The following IGF2BP2 variants were observed in gnomAD, a reference collection of about 807,000 sequenced individuals.
IGF2BP2 encodes the protein insulin like growth factor 2 mRNA binding protein 2.
In IGF2BP2, 17 loss-of-function variants were observed where a neutral mutation model predicts 75.8. That is an observed-to-expected ratio of 0.22 (90% confidence interval 0.15 to 0.34). IGF2BP2 has a LOEUF of 0.34. Ranked by LOEUF, IGF2BP2 falls within the 10% of genes least tolerant of loss-of-function variation. The pLI is 1.00. For synonymous variants in IGF2BP2, 288 were observed against 295.6 expected, an observed-to-expected ratio of 0.97 and a Z score of 0.26; for missense variants, 516 against 772.4, an observed-to-expected ratio of 0.67 and a Z score of 3.93.
chr3:185,748,868 T>A (rs1275784249), intron 2 of IGF2BP2, among the ~76,000 whole-genome samples: 2 of 152,222 alleles, frequency 1.3e-5, no homozygotes, highest in African/African-American at 4.8e-5. Flanking sequence ...AATTTAGTAA[T>A]CTAAGAACTT....
chr3:185,698,046 G>A (rs747217025), intron 3 of IGF2BP2, among the ~76,000 whole-genome samples: 33 of 152,124 alleles, frequency 2.2e-4, no homozygotes, highest in Non-Finnish European at 3.8e-4. Context: ...TTGTTTCTTG[G>A]CTTATTTGCT....
chr3:185,703,196 G>A (rs1225128705), intron 2 of IGF2BP2, among the ~76,000 whole-genome samples: 1 of 152,170 alleles, frequency 6.6e-6, no homozygotes, highest in Non-Finnish European at 1.5e-5. Context: ...TGTAATCCCA[G>A]CTCATCTAAC....
chr3:185,703,037 C>T (rs1336799406), intron 2 of IGF2BP2, among the ~76,000 whole-genome samples: 5 of 152,184 alleles, frequency 3.3e-5, no homozygotes, highest in Non-Finnish European at 7.3e-5. Flanking sequence ...TGGGAAAGGG[C>T]CACCTACCAG....
intron 2 of IGF2BP2, among the ~76,000 whole-genome samples, chr3:185,755,438 C>T (rs1039396193): frequency 3.9e-5 from 6 of 152,322 alleles, no homozygotes; most frequent in Non-Finnish European, 8.8e-5. Context: ...CACATAGAGT[C>T]CCCACCAGGG....
chr3:185,682,524 C>T (rs1453290855), intron 7 of IGF2BP2, among the ~76,000 whole-genome samples: 1 of 152,034 alleles, frequency 6.6e-6, no homozygotes, highest in Non-Finnish European at 1.5e-5. Flanking sequence ...ACAGTAGCAC[C>T]AACTGGACTA....
chr3:185,804,222 C>T (rs1294957650), intron 2 of IGF2BP2, among the ~76,000 whole-genome samples: 1 of 144,388 alleles, frequency 6.9e-6, no homozygotes, highest in Non-Finnish European at 1.5e-5. Context: ...CGCCATTGTA[C>T]TCCAGCCTGG....
At chr3:185,696,497 G>A in intron 4 of IGF2BP2, 115 bp downstream of exon 4, 1 of 829,896 alleles carries the variant, frequency 1.2e-6, no homozygotes, top group South Asian at 1.5e-5. Flanking sequence ...TATACTCTAG[G>A]AAGCTTATTT....
At chr3:185,786,936 G>GT (rs1735973140) in intron 2 of IGF2BP2, among the ~76,000 whole-genome samples, 1 of 151,936 alleles carries the variant, frequency 6.6e-6, no homozygotes, top group African/African-American at 2.4e-5. Context: ...TTTTTGTTTT[G>GT]TTTTCACAAC....
chr3:185,786,728 G>A (rs886310564), intron 2 of IGF2BP2, among the ~76,000 whole-genome samples: 6 of 152,046 alleles, frequency 3.9e-5, no homozygotes, highest in African/African-American at 1.2e-4. Flanking sequence ...TCACATGGAC[G>A]CGCGTGACAG....
chr3:185,748,420 C>G (rs891689810), intron 2 of IGF2BP2, among the ~76,000 whole-genome samples: 6 of 152,166 alleles, frequency 3.9e-5, no homozygotes, highest in Non-Finnish European at 7.3e-5. Flanking sequence ...GCTGCTATTC[C>G]TATTGTGGGA....
At chr3:185,665,230 GAGGAGGAGAAGGAGAAGAAGGAGA>G (rs1717143002) in intron 10 of IGF2BP2, among the ~76,000 whole-genome samples, 1 of 146,828 alleles carries the variant, frequency 6.8e-6, no homozygotes, top group Non-Finnish European at 1.5e-5. Context: ...GGAGGAGGAG[GAGGAGGAGAAGGAGAAGAAGGAGA>G]AGGAGGAGGA....
Position 185,823,163 on chromosome 3 carries a change from T to C in IGF2BP2, c.229A>G (p.Lys77Glu). Reference protein sequence around the residue: ...KIMEVDYSVSKKLRSRKIQIR... With the variant: ...KIMEVDYSVSEKLRSRKIQIR... Reference sequence around the variant, plus strand: ...GCAAAGTATATTTACCTTAGCTTTTTAGAGACTGAGTAATCAACTTCCATG... The same window carrying C: ...GCAAAGTATATTTACCTTAGCTTTTCAGAGACTGAGTAATCAACTTCCATG... Residue 77 changes from lysine (K) to glutamate (E), a missense_variant, in exon 2 of 16, where the codon AAA (lysine) becomes GAA (glutamate). Physicochemically the swap from Lys to Glu is moderately conservative, Grantham distance 56 (BLOSUM62 1). This residue lies in a region of IGF2BP2 where 312 missense variants were observed against 474.5 expected (regional missense o/e 0.66). Transcript: ENST00000382199. 6.2e-7 allele frequency: 1 copy of C among 1,605,848 alleles called. No individual in the cohort carries two copies. The highest frequency in any genetic ancestry group is 8.5e-7 in the Non-Finnish European group (1 of 1,176,272).
intron 2 of IGF2BP2, among the ~76,000 whole-genome samples, chr3:185,752,370 A>G (rs1463398539): frequency 6.6e-6 from 1 of 152,224 alleles, no homozygotes; most frequent in African/African-American, 2.4e-5. Context: ...AGAGAAAAAA[A>G]CATTTAAATT....
chr3:185,697,960 G>C (rs1452040119), intron 3 of IGF2BP2, among the ~76,000 whole-genome samples: 1 of 152,040 alleles, frequency 6.6e-6, no homozygotes, highest in African/African-American at 2.4e-5. Flanking sequence ...CTCCAGCCTG[G>C]GTGACAAAGT....
intron 2 of IGF2BP2, among the ~76,000 whole-genome samples, chr3:185,778,082 A>G (rs1734747159): frequency 6.6e-6 from 1 of 152,052 alleles, no homozygotes; most frequent in African/African-American, 2.4e-5. Context: ...ACTTACTGTC[A>G]TGCATTTGTA....
At chr3:185,810,917 T>C (rs777790108) in intron 2 of IGF2BP2, among the ~76,000 whole-genome samples, 8 of 152,204 alleles carry the variant, frequency 5.3e-5, no homozygotes, top group Admixed American at 2.0e-4. Flanking sequence ...ATAGTTGGCT[T>C]AGTGTTTAAT....
intron 2 of IGF2BP2, among the ~76,000 whole-genome samples, chr3:185,805,189 G>A (rs1429462249): frequency 6.6e-6 from 1 of 151,892 alleles, no homozygotes; most frequent in African/African-American, 2.4e-5. Flanking sequence ...AGTAAACACA[G>A]GTTTTACTGG....
intron 7 of IGF2BP2, among the ~76,000 whole-genome samples, chr3:185,683,601 G>T (rs953733414): frequency 6.6e-6 from 1 of 151,964 alleles, no homozygotes; most frequent in African/African-American, 2.4e-5. Flanking sequence ...TAGAGACGAG[G>T]TTTCACCATG....
At chr3:185,808,385 CAGG>C (rs1197393480) in intron 2 of IGF2BP2, among the ~76,000 whole-genome samples, 1 of 151,930 alleles carries the variant, frequency 6.6e-6, no homozygotes, top group East Asian at 1.9e-4. Context: ...GAGGCTGATG[CAGG>C]AGAACTGCTT....
Sources: allele counts gnomAD v4.1 joint callset (sites outside exome capture counted in the v4.1 genomes callset), GRCh38; gene constraint gnomAD v4.1.1; regional missense constraint gnomAD v4.1.1; transcripts MANE v1.5; gene names NCBI Gene and HGNC (gene_info 2026-07-23, HGNC 2026-07-21).